LCMT1: variants seen among roughly 807,000 people sequenced by gnomAD.
LCMT1 encodes the protein leucine carboxyl methyltransferase 1, also known as [Phosphatase 2A protein]-leucine-carboxy methyltransferase 1.
Under a neutral mutation model 47.7 loss-of-function variants are expected in LCMT1, and 32 were observed. That is an observed-to-expected ratio of 0.67 (90% confidence interval 0.51 to 0.90). LCMT1 has a LOEUF of 0.90. LCMT1 is among the 40% of genes least tolerant of loss of function. LCMT1 has a pLI of 0.00. For missense variants in LCMT1, 375 were observed against 415.2 expected (o/e 0.90, Z 0.84); for synonymous variants, 152 against 149.7 (o/e 1.02, Z -0.11).
chr16:25,143,444 A>T (rs1960756016), intron 4 of LCMT1: 2 of 152,168 alleles, frequency 1.3e-5, no homozygotes, highest in Admixed American at 1.3e-4. Context: ...CCCATGAAGG[A>T]GAGCCTGTTA....
At chr16:25,149,980 G>A (rs1439497112) in intron 4 of LCMT1, among the ~76,000 whole-genome samples, 1 of 151,304 alleles carries the variant, frequency 6.6e-6, no homozygotes, top group Non-Finnish European at 1.5e-5. Flanking sequence ...GGGTTTTTGT[G>A]TATATGAATG....
chr16:25,170,703 G>A lies in LCMT1; in HGVS notation c.793-11G>A. The A allele has an allele frequency of 6.2e-7, 1 of 1,606,566 alleles. No homozygotes were observed. Among genetic ancestry groups the A allele is most frequent in the South Asian group, 1.1e-5 (1 of 90,660 alleles). On this transcript the variant is annotated splice_polypyrimidine_tract_variant and intron_variant, in intron 8 of 10. Coordinates refer to ENST00000399069, the MANE Select transcript of LCMT1 (RefSeq NM_016309.3). Reference sequence around the variant, plus strand: ...CTCTAGTTCTCCATTTCTCTTCGTTGCACATTTTAGAAAGAACGGCTCCTG... The same window carrying A: ...CTCTAGTTCTCCATTTCTCTTCGTTACACATTTTAGAAAGAACGGCTCCTG...
intron 7 of LCMT1, among the ~76,000 whole-genome samples, chr16:25,167,525 T>TGGTCTCAAACTCCTGGCC (rs1295609666): frequency 1.3e-5 from 2 of 152,020 alleles, no homozygotes; most frequent in Non-Finnish European, 2.9e-5. Context: ...TTGTCCAGGC[T>TGGTCTCAAACTCCTGGCC]GGTCTCAAAC....
rs751848262 is a variant in LCMT1, at chr16:25,132,453, G to A, written c.257G>A (p.Arg86Gln). Residue 86 changes from arginine (R) to glutamine (Q), a missense_variant, in exon 3 of 11, where the codon CGG (arginine) becomes CAG (glutamine). Transcript: ENST00000399069. ...GVSQLIKAFL[R>Q]KTECHCQIVN... ...AGTCAGCTTATAAAGGCATTTCTAC[G>A]GAAGACAGAATGTCATTGTCAAATT... is the stretch of plus-strand genomic sequence containing the variant. The A allele has an allele frequency of 3.1e-6, 5 of 1,613,796 alleles. No individual in the cohort carries two copies. The highest frequency in any genetic ancestry group is 1.6e-4 in the Middle Eastern group (1 of 6,062).
chr16:25,178,219 C>A lies in LCMT1; in HGVS notation c.*196C>A. 1.8e-6 allele frequency: 1 copy of A among 569,874 alleles called. No homozygotes were observed. Among genetic ancestry groups the A allele is most frequent in the Middle Eastern group, 3.6e-4 (1 of 2,782 alleles). The allele number at this position is 569,874 out of a possible 1,614,324, so 35.3% of individuals were successfully genotyped here. A position where few individuals can be genotyped will look rare whatever the true frequency, so the allele number is the denominator to read the frequency against. On this transcript the variant is annotated 3_prime_UTR_variant, in exon 11 of 11. Coordinates refer to ENST00000399069, the MANE Select transcript of LCMT1 (RefSeq NM_016309.3). Reference sequence around the variant, plus strand: ...CATGTCGTTGTTTAAATAAATCTCACTTGCCACCAGTCGCCTGTGGTTGGA... The same window carrying A: ...CATGTCGTTGTTTAAATAAATCTCAATTGCCACCAGTCGCCTGTGGTTGGA...
At chr16:25,151,696 G>GGTGTGT (rs139504024) in intron 5 of LCMT1, 81 bp downstream of exon 5, 154,156 of 557,354 alleles carry the variant, frequency 0.28, 3,324 homozygotes, top group Non-Finnish European at 0.3. Context: ...GTTTGTGTTG[G>GGTGTGT]GTGTGTGTGT....
Position 25,178,035 on chromosome 16 carries a change from C to T in LCMT1, c.*12C>T, listed in dbSNP as rs769001472. On this transcript the variant is annotated 3_prime_UTR_variant, in exon 11 of 11. Transcript: ENST00000399069. The stretch of plus-strand genomic sequence containing the variant: ...AGATAACTTATTAATCTGTCGAAGG[C>T]TTATGCCGAGCCAGAAGCCGAAGCC... 1.2e-6 allele frequency: 2 copies of T among 1,613,438 alleles called. No individual in the cohort carries two copies. Among genetic ancestry groups the T allele is most frequent in the Admixed American group, 1.7e-5 (1 of 59,904 alleles).
At chr16:25,156,658 A>G (rs1291911356) in intron 5 of LCMT1, among the ~76,000 whole-genome samples, 4 of 152,184 alleles carry the variant, frequency 2.6e-5, no homozygotes, top group Admixed American at 1.3e-4. Flanking sequence ...GAGAAAGATC[A>G]TAAAGCCGGC....
chr16:25,126,715 A>G (rs1347807740), intron 1 of LCMT1, among the ~76,000 whole-genome samples: 1 of 152,210 alleles, frequency 6.6e-6, no homozygotes, highest in Non-Finnish European at 1.5e-5. Flanking sequence ...CCAGCAAGTT[A>G]TGGCTTCCAG....
intron 9 of LCMT1, among the ~76,000 whole-genome samples, chr16:25,171,435 CAAAA>C (rs538610897): frequency 1.5e-4 from 22 of 150,452 alleles, no homozygotes; most frequent in African/African-American, 4.6e-4. Flanking sequence ...AACAAACAAA[CAAAA>C]AAAAACCCCA....
At chr16:25,161,295 G>T in intron 6 of LCMT1, 91 bp downstream of exon 6, 14 of 572,804 alleles carry the variant, frequency 2.4e-5, no homozygotes, top group East Asian at 6.2e-5. Flanking sequence ...TGATATTCAT[G>T]TTCCATTTTT....
At chr16:25,154,489 C>CTT (rs748304475) in intron 5 of LCMT1, among the ~76,000 whole-genome samples, 46 of 123,714 alleles carry the variant, frequency 3.7e-4, no homozygotes, top group South Asian at 5.2e-4. Flanking sequence ...TGGATGTGTT[C>CTT]TTTTTTTTTT....
At chr16:25,163,467 CAAAA>C (rs11318381) in intron 6 of LCMT1, among the ~76,000 whole-genome samples, 6 of 97,504 alleles carry the variant, frequency 6.2e-5, no homozygotes, top group African/African-American at 8.1e-5. Flanking sequence ...GACTCTGTCT[CAAAA>C]AAAAAAAAAA....
chr16:25,136,889 T>C (rs936342088), intron 3 of LCMT1, among the ~76,000 whole-genome samples: 1 of 152,148 alleles, frequency 6.6e-6, no homozygotes, highest in African/African-American at 2.4e-5. Context: ...CTTTCTCTGC[T>C]CTGACTTCTT....
At chr16:25,116,683 C>G (rs1467275693) in intron 1 of LCMT1, among the ~76,000 whole-genome samples, 2 of 148,970 alleles carry the variant, frequency 1.3e-5, no homozygotes, top group African/African-American at 5.0e-5. Flanking sequence ...GAGTTCAAGA[C>G]CAGCCTGGGC....
At chr16:25,135,297 A>ATATG (rs1960472369) in intron 3 of LCMT1, among the ~76,000 whole-genome samples, 1 of 149,936 alleles carries the variant, frequency 6.7e-6, no homozygotes, top group African/African-American at 2.5e-5. Flanking sequence ...ATATATCTAT[A>ATATG]TATATATATA....
intron 9 of LCMT1, among the ~76,000 whole-genome samples, chr16:25,171,099 G>A (rs1448046141): frequency 6.6e-6 from 1 of 151,988 alleles, no homozygotes; most frequent in Admixed American, 6.6e-5. Flanking sequence ...AGCCAGGTAG[G>A]GTGGTGCACA....
intron 5 of LCMT1, among the ~76,000 whole-genome samples, chr16:25,154,734 G>A (rs1047814605): frequency 6.6e-6 from 1 of 151,236 alleles, no homozygotes; most frequent in Non-Finnish European, 1.5e-5. Flanking sequence ...GTGATCCACC[G>A]GCCTCGGCCT....
At chr16:25,125,617 G>A (rs994609397) in intron 1 of LCMT1, among the ~76,000 whole-genome samples, 48 of 151,870 alleles carry the variant, frequency 3.2e-4, no homozygotes, top group African/African-American at 1.0e-3. Flanking sequence ...GGCGGATCAC[G>A]ACATCAGGAG....
Sources: allele counts gnomAD v4.1 joint callset (sites outside exome capture counted in the v4.1 genomes callset), GRCh38; gene constraint gnomAD v4.1.1; transcripts MANE v1.5; gene names NCBI Gene and HGNC (gene_info 2026-07-23, HGNC 2026-07-21).